The following DPP10 variants were observed in gnomAD, a reference collection of about 807,000 sequenced individuals.
DPP10 encodes dipeptidyl peptidase like 10.
In DPP10, 33 loss-of-function variants were observed where a neutral mutation model predicts 120.9. That is an observed-to-expected ratio of 0.27 (90% CI 0.21 to 0.37). The LOEUF (loss-of-function observed/expected upper bound fraction) is 0.37, where lower values mean the gene tolerates loss of function less well. Among genes scored for constraint, DPP10 ranks in the 10% least tolerant of loss-of-function variants. DPP10 has a pLI of 1.00. For missense variants in DPP10, 816 were observed against 942.8 expected, an observed-to-expected ratio of 0.87 and a Z score of 1.76; for synonymous variants, 337 against 326.1, an observed-to-expected ratio of 1.03 and a Z score of -0.36.
chr2:115,836,116 T>A (rs62157981), intron 21 of DPP10, 41 bp from the exon 22 acceptor site: 48,063 of 657,518 alleles, frequency 0.073, 809 homozygotes, highest in African/African-American at 0.14. Context: ...TGTGTGTGTG[T>A]GAGATATATA....
At chr2:114,462,169 T>C (rs1300238025) in intron 1 of DPP10, 1 of 984,174 alleles carries the variant, frequency 1.0e-6, no homozygotes, top group Non-Finnish European at 1.2e-6. Flanking sequence ...AAATACACAT[T>C]AAAGTCTTAG....
intron 1 of DPP10, among the ~76,000 whole-genome samples, chr2:115,183,547 A>C (rs1006453153): frequency 2.6e-5 from 4 of 152,190 alleles, no homozygotes; most frequent in Admixed American, 2.6e-4. Context: ...AATATGTGTG[A>C]ATTTGCATTT....
intron 2 of DPP10, among the ~76,000 whole-genome samples, chr2:115,338,695 A>G (rs1463131523): frequency 6.6e-6 from 1 of 152,232 alleles, no homozygotes; most frequent in Non-Finnish European, 1.5e-5. Flanking sequence ...TTCAAAAATG[A>G]AGTTGGAACA....
chr2:114,514,295 T>A (rs1484661507), intron 1 of DPP10, among the ~76,000 whole-genome samples: 1 of 152,148 alleles, frequency 6.6e-6, no homozygotes, highest in Non-Finnish European at 1.5e-5. Context: ...TGACACTAAT[T>A]TTATAGAGAA....
chr2:115,273,897 T>G (rs1405140368), intron 1 of DPP10, among the ~76,000 whole-genome samples: 1 of 152,210 alleles, frequency 6.6e-6, no homozygotes, highest in Non-Finnish European at 1.5e-5. Flanking sequence ...TACTAGTATT[T>G]CATAGCCAAA....
intron 14 of DPP10, 73 bp from the exon 15 acceptor site, chr2:115,777,714 A>G: frequency 6.7e-7 from 1 of 1,490,112 alleles, no homozygotes; most frequent in Non-Finnish European, 9.3e-7. Context: ...TCAATGTGAC[A>G]ATGTGACAAA....
chr2:114,894,244 C>T (rs1003348970), intron 1 of DPP10, among the ~76,000 whole-genome samples: 5 of 152,142 alleles, frequency 3.3e-5, no homozygotes, highest in African/African-American at 1.2e-4. Context: ...ACAATACAAA[C>T]CAGAAGTTCC....
intron 19 of DPP10, among the ~76,000 whole-genome samples, chr2:115,801,162 G>A (rs540698882): frequency 1.3e-5 from 2 of 150,286 alleles, no homozygotes; most frequent in South Asian, 4.2e-4. Context: ...TCCCTTGTAA[G>A]TTGGATTCCT....
chr2:114,478,126 G>A (rs1057082294), intron 1 of DPP10, among the ~76,000 whole-genome samples: 2 of 151,754 alleles, frequency 1.3e-5, no homozygotes, highest in African/African-American at 4.8e-5. Flanking sequence ...CACACAGACA[G>A]TATAAAAAAG....
chr2:114,748,387 T>C (rs1678836284), intron 1 of DPP10, among the ~76,000 whole-genome samples: 2 of 142,390 alleles, frequency 1.4e-5, no homozygotes, highest in Non-Finnish European at 1.5e-5. Flanking sequence ...TATTTATTTA[T>C]TTATTTATTT....
At chr2:115,247,452 A>C (rs1294598295) in intron 1 of DPP10, among the ~76,000 whole-genome samples, 1 of 152,156 alleles carries the variant, frequency 6.6e-6, no homozygotes, top group Non-Finnish European at 1.5e-5. Flanking sequence ...TAAATTCTTG[A>C]ATGATATTTA....
At chr2:115,781,087 T>C in intron 16 of DPP10, 92 bp downstream of exon 16, 1 of 1,053,904 alleles carries the variant, frequency 9.5e-7, no homozygotes, top group Non-Finnish European at 1.3e-6. Context: ...TCTAGATGAT[T>C]TCATAATCTT....
intron 1 of DPP10, among the ~76,000 whole-genome samples, chr2:115,068,902 A>G (rs944174847): frequency 6.6e-6 from 1 of 152,132 alleles, no homozygotes; most frequent in East Asian, 1.9e-4. Context: ...TGGGCTCTCT[A>G]TACAATTCCA....
At chr2:115,067,734 G>A (rs1232421822) in intron 1 of DPP10, among the ~76,000 whole-genome samples, 1 of 148,904 alleles carries the variant, frequency 6.7e-6, no homozygotes, top group East Asian at 2.1e-4. Context: ...GTGGTGGCGG[G>A]CGCCTGTAGT....
chr2:114,474,255 C>A (rs922249768), intron 1 of DPP10, among the ~76,000 whole-genome samples: 1 of 152,184 alleles, frequency 6.6e-6, no homozygotes, highest in African/African-American at 2.4e-5. Context: ...TGCGCCCAGC[C>A]GCTTTTGCTA....
At position 115,116,636 on chromosome 2, in the gene DPP10, C is replaced by T. The variant is rs144191817; in HGVS notation, c.61-192603C>T. ...GTTTCAAAGATTCCATAGAGAAAAC[C>T]TTGTCCAAGCCACTTATTTTAAAGA... On this transcript the variant is annotated intron_variant, in intron 1 of 25. Transcript: ENST00000410059. Among the ~76,000 whole-genome samples, 380 of 152,192 alleles carry T rather than the reference C, an allele frequency of 2.5e-3. 1 individual carries two copies. The highest frequency in any genetic ancestry group is 8.9e-3 in the African/African-American group (369 of 41,532).
chr2:114,922,901 G>A (rs1695304938), intron 1 of DPP10, among the ~76,000 whole-genome samples: 1 of 152,098 alleles, frequency 6.6e-6, no homozygotes, highest in African/African-American at 2.4e-5. Flanking sequence ...TTTCTTAGGT[G>A]TATACCTAGG....
intron 1 of DPP10, among the ~76,000 whole-genome samples, chr2:114,545,497 A>G (rs1687317234): frequency 6.6e-6 from 1 of 152,212 alleles, no homozygotes; most frequent in Non-Finnish European, 1.5e-5. Context: ...AGTTGGATTC[A>G]TTGAGATCAA....
intron 1 of DPP10, among the ~76,000 whole-genome samples, chr2:114,549,074 C>T (rs138943449): frequency 5.3e-5 from 8 of 152,238 alleles, no homozygotes; most frequent in East Asian, 3.9e-4. Flanking sequence ...CAGGGGATGG[C>T]GAAGGAGAGG....
Sources: allele counts gnomAD v4.1 joint callset (sites outside exome capture counted in the v4.1 genomes callset), GRCh38; gene constraint gnomAD v4.1.1; transcripts MANE v1.5; gene names NCBI Gene and HGNC (gene_info 2026-07-23, HGNC 2026-07-21).